Variants in HS6ST3 observed in about 807,000 individuals in gnomAD.
The protein encoded by HS6ST3 is heparan sulfate 6-O-sulfotransferase 3.
HS6ST3 carries 12 observed loss-of-function variants against 36.7 expected under a neutral mutation model. The observed-to-expected ratio is 0.33, with a 90% CI of 0.21 to 0.53. The LOEUF (loss-of-function observed/expected upper bound fraction) is 0.53. Among genes scored for constraint, HS6ST3 ranks in the 20% least tolerant of loss-of-function variants. HS6ST3 has a pLI of 0.95. For synonymous variants in HS6ST3, 240 were observed against 257.5 expected (o/e 0.93, Z 0.65); for missense variants, 584 against 640.9 (o/e 0.91, Z 0.96).
chr13:96,346,430 C>T (rs974559685), intron 1 of HS6ST3, among the ~76,000 whole-genome samples: 2 of 151,816 alleles, frequency 1.3e-5, no homozygotes, highest in South Asian at 2.1e-4. Context: ...AAAAATTAGC[C>T]GGGCGTGGTG....
chr13:96,830,808 GT>G (rs1878762246), intron 1 of HS6ST3, among the ~76,000 whole-genome samples: 1 of 152,174 alleles, frequency 6.6e-6, no homozygotes, highest in African/African-American at 2.4e-5. Flanking sequence ...GGAGCTCTGA[GT>G]TACTATGATC....
intron 1 of HS6ST3, among the ~76,000 whole-genome samples, chr13:96,412,876 A>C (rs2055514885): frequency 1.3e-5 from 2 of 150,388 alleles, no homozygotes; most frequent in Non-Finnish European, 3.0e-5. Flanking sequence ...AACATATATA[A>C]GCCTTGGGCA....
rs1185747973 is a variant in HS6ST3, at chr13:96,090,830, C to T, written c.-33C>T. On this transcript the variant is annotated 5_prime_UTR_variant, in exon 1 of 2. Transcript: ENST00000376705. ...CCGTCCGCCCTGCCGCCGCCGCCGC[C>T]GCCGCTTCGCCTGCCGGCCTGAGAG... 33 of 1,464,656 alleles carry T rather than the reference C, an allele frequency of 2.3e-5. No homozygotes were observed. The highest frequency in any genetic ancestry group is 3.0e-5 in the Non-Finnish European group (33 of 1,103,208). The allele number at this position is 1,464,656 out of a possible 1,614,324, so 90.7% of individuals were successfully genotyped here.
At chr13:96,705,969 A>G (rs1875412436) in intron 1 of HS6ST3, among the ~76,000 whole-genome samples, 1 of 152,304 alleles carries the variant, frequency 6.6e-6, no homozygotes, top group East Asian at 1.9e-4. Context: ...CCTTTTAGAT[A>G]TCTAAGTATT....
chr13:96,142,785 C>T (rs2054038393), intron 1 of HS6ST3, among the ~76,000 whole-genome samples: 1 of 152,052 alleles, frequency 6.6e-6, no homozygotes, highest in African/African-American at 2.4e-5. Context: ...TTTTATCCTT[C>T]TCGTGTGCTT....
At chr13:96,146,638 G>T (rs768424975) in intron 1 of HS6ST3, among the ~76,000 whole-genome samples, 1 of 152,104 alleles carries the variant, frequency 6.6e-6, no homozygotes, top group Non-Finnish European at 1.5e-5. Context: ...TAAAGATGAT[G>T]TCTCTTCTTC....
chr13:96,399,778 TACAACTGAAAG>T (rs1296651413), intron 1 of HS6ST3, among the ~76,000 whole-genome samples: 1 of 152,244 alleles, frequency 6.6e-6, no homozygotes. Context: ...AGTTCTGACT[TACAACTGAAAG>T]ACATAAGTTT....
Position 96,378,655 on chromosome 13 carries a change from G to T in HS6ST3, c.707+287086G>T, listed in dbSNP as rs750153907. Reference sequence around the variant, plus strand: ...TGACGGCCCCTTAACTGAGGGTCAAGTGGGGCTCACATTCAGCCCTTGTTT... The same window carrying T: ...TGACGGCCCCTTAACTGAGGGTCAATTGGGGCTCACATTCAGCCCTTGTTT... On this transcript the variant is annotated intron_variant, in intron 1 of 1. Transcript: ENST00000376705. 3.7e-4 allele frequency among the ~76,000 whole-genome samples: 56 copies of T among 152,180 alleles called. 2 individuals are homozygous for T. The highest frequency in any genetic ancestry group is 7.6e-4 in the Non-Finnish European group (52 of 68,038).
At chr13:96,192,317 A>G (rs977336158) in intron 1 of HS6ST3, among the ~76,000 whole-genome samples, 6 of 152,144 alleles carry the variant, frequency 3.9e-5, no homozygotes, top group Admixed American at 1.3e-4. Flanking sequence ...TTTAGATTCA[A>G]TGGGTACATG....
chr13:96,346,301 G>A (rs1244033888), intron 1 of HS6ST3, among the ~76,000 whole-genome samples: 2 of 152,220 alleles, frequency 1.3e-5, no homozygotes, highest in Non-Finnish European at 2.9e-5. Flanking sequence ...CTGGCTGGGT[G>A]CGGTGGCTCA....
At position 96,833,968 on chromosome 13, in the gene HS6ST3, C is replaced by T. The variant is rs1199152633; in HGVS notation, c.*770C>T. The T allele has an allele frequency of 6.6e-6, 1 of 151,924 alleles. No homozygotes were observed. The highest frequency in any genetic ancestry group is 2.4e-5 in the African/African-American group (1 of 41,304). The allele number at this position is 151,924 out of a possible 1,614,324, so 9.4% of individuals were successfully genotyped here. On this transcript the variant is annotated 3_prime_UTR_variant, in exon 2 of 2. Coordinates refer to ENST00000376705, the MANE Select transcript of HS6ST3 (RefSeq NM_153456.4). ...GAGAAAACTTGCTTATTTGCTAATG[C>T]CTAAAGGGGTCTCACTTTACCAATT...
At chr13:96,269,101 A>G (rs1821251907) in intron 1 of HS6ST3, among the ~76,000 whole-genome samples, 1 of 152,022 alleles carries the variant, frequency 6.6e-6, no homozygotes, top group African/African-American at 2.4e-5. Flanking sequence ...TGTATATACC[A>G]TAACAATGGC....
chr13:96,738,497 G>A (rs1876345213), intron 1 of HS6ST3, among the ~76,000 whole-genome samples: 1 of 152,134 alleles, frequency 6.6e-6, no homozygotes, highest in Non-Finnish European at 1.5e-5. Context: ...TTTATGAGAG[G>A]AACTTTTTAA....
At chr13:96,162,097 G>T (rs959657274) in intron 1 of HS6ST3, among the ~76,000 whole-genome samples, 1 of 152,166 alleles carries the variant, frequency 6.6e-6, no homozygotes, top group Non-Finnish European at 1.5e-5. Context: ...CTGTATCACA[G>T]CCTGGGAACA....
chr13:96,465,726 G>A (rs1342374592), intron 1 of HS6ST3, among the ~76,000 whole-genome samples: 3 of 151,894 alleles, frequency 2.0e-5, no homozygotes, highest in Non-Finnish European at 4.4e-5. Flanking sequence ...TGTTCACTTG[G>A]TTCTGCTTCT....
intron 1 of HS6ST3, among the ~76,000 whole-genome samples, chr13:96,562,868 G>T (rs2056267407): frequency 1.3e-5 from 2 of 151,976 alleles, no homozygotes; most frequent in Admixed American, 1.3e-4. Flanking sequence ...TCTGGAAGAG[G>T]TGCTTTCTTT....
chr13:96,202,543 C>T (rs1490272962), intron 1 of HS6ST3, among the ~76,000 whole-genome samples: 1 of 152,166 alleles, frequency 6.6e-6, no homozygotes. Context: ...TTCAGCATCC[C>T]TGATGCAACC....
chr13:96,364,835 T>A (rs2055255577), intron 1 of HS6ST3, among the ~76,000 whole-genome samples: 1 of 152,188 alleles, frequency 6.6e-6, no homozygotes, highest in Admixed American at 6.5e-5. Flanking sequence ...TTTAAGACTT[T>A]AAGTCAACGG....
At chr13:96,566,657 A>G (rs2056282454) in intron 1 of HS6ST3, among the ~76,000 whole-genome samples, 1 of 152,164 alleles carries the variant, frequency 6.6e-6, no homozygotes, top group African/African-American at 2.4e-5. Context: ...AAGTGAACCA[A>G]AAAACTAGAC....
Sources: gnomAD v4.1 joint callset for allele counts (sites outside exome capture counted in the v4.1 genomes callset) on GRCh38, gnomAD v4.1.1 for gene constraint, MANE v1.5 for transcripts, NCBI Gene and HGNC (gene_info 2026-07-23, HGNC 2026-07-21) for gene names.